The following AGMO variants were observed in gnomAD, a reference collection of about 807,000 sequenced individuals.
AGMO encodes the protein alkylglycerol monooxygenase, also known as glyceryl-ether monooxygenase.
AGMO carries 75 observed loss-of-function variants against 60.2 expected under a neutral mutation model. That is an observed-to-expected ratio of 1.25 (90% CI 1.03 to 1.51). The LOEUF is 1.51. Ranked by LOEUF, AGMO falls within the 40% of genes most tolerant of loss-of-function variation. AGMO has a pLI of 0.00. For missense variants in AGMO, 763 were observed against 525.5 expected (o/e 1.45, Z -4.42); for synonymous variants, 261 against 177.1 (o/e 1.47, Z -3.76).
Position 15,517,856 on chromosome 7 carries a change from G to A in AGMO, c.409+26916C>T, listed in dbSNP as rs1016287355. On this transcript the variant is annotated intron_variant, in intron 3 of 12. Transcript: ENST00000342526. ...TTCCCTGGAAAGGGAGCTGAAGCCA[G>A]GGAGCCAAGTGGTCTTGCTCAGAGG... Among the ~76,000 whole-genome samples the A allele has an allele frequency of 9.2e-5, 14 of 152,230 alleles. No individual in the cohort carries two copies. The East Asian group carries it at 2.5e-3, about 27-fold the overall frequency.
At chr7:15,240,380 C>A (rs1000891574) in intron 12 of AGMO, among the ~76,000 whole-genome samples, 1 of 152,094 alleles carries the variant, frequency 6.6e-6, no homozygotes, top group East Asian at 1.9e-4. Flanking sequence ...TTCTTAGTGA[C>A]CAGCCTTCAT....
At chr7:15,490,324 G>C (rs1783037836) in intron 3 of AGMO, among the ~76,000 whole-genome samples, 1 of 152,062 alleles carries the variant, frequency 6.6e-6, no homozygotes, top group African/African-American at 2.4e-5. Context: ...AAATGTTTTG[G>C]GATTTCCTCT....
intron 11 of AGMO, among the ~76,000 whole-genome samples, 158 bp from the exon 12 acceptor site, chr7:15,365,777 G>T (rs977174411): frequency 6.6e-6 from 1 of 151,982 alleles, no homozygotes; most frequent in African/African-American, 2.4e-5. Flanking sequence ...CAGTGATTAA[G>T]AAAGAACACT....
At chr7:15,397,164 G>A (rs1000107152) in intron 5 of AGMO, among the ~76,000 whole-genome samples, 4 of 152,122 alleles carry the variant, frequency 2.6e-5, no homozygotes, top group African/African-American at 9.7e-5. Flanking sequence ...AGACAACCAA[G>A]AGGAAAAGTG....
intron 12 of AGMO, among the ~76,000 whole-genome samples, chr7:15,275,585 G>A (rs1056483128): frequency 5.9e-5 from 9 of 152,034 alleles, no homozygotes; most frequent in African/African-American, 1.4e-4. Flanking sequence ...TCCCCTTTAA[G>A]GTTATAATTT....
the AGMO span, among the ~76,000 whole-genome samples, chr7:15,186,971 C>A: frequency 6.6e-6 from 1 of 152,146 alleles, no homozygotes; most frequent in Admixed American, 6.6e-5. Flanking sequence ...TCGGGCCTTT[C>A]AAAAGTGCTG....
intron 3 of AGMO, among the ~76,000 whole-genome samples, chr7:15,478,676 G>A (rs964669018): frequency 6.6e-6 from 1 of 152,148 alleles, no homozygotes; most frequent in Admixed American, 6.6e-5. Flanking sequence ...CGCTGGCCAT[G>A]TCAAGCGTTG....
chr7:15,251,002 G>T (rs1002934126), intron 12 of AGMO, among the ~76,000 whole-genome samples: 2 of 151,626 alleles, frequency 1.3e-5, no homozygotes, highest in Non-Finnish European at 2.9e-5. Flanking sequence ...AATTATTTCT[G>T]AACCAACAAA....
At chr7:15,305,302 T>A (rs1424039793) in intron 12 of AGMO, among the ~76,000 whole-genome samples, 1 of 151,806 alleles carries the variant, frequency 6.6e-6, no homozygotes, top group African/African-American at 2.4e-5. Flanking sequence ...AAAATAAGGT[T>A]TGAAGATTAT....
chr7:15,445,415 T>A (rs1486512094), intron 3 of AGMO, among the ~76,000 whole-genome samples: 2 of 152,160 alleles, frequency 1.3e-5, no homozygotes, highest in East Asian at 3.8e-4. Context: ...TATCACATGA[T>A]ATATTGCTGT....
At chr7:15,140,516 G>C in the AGMO span, among the ~76,000 whole-genome samples, 2 of 151,922 alleles carry the variant, frequency 1.3e-5, no homozygotes, top group Admixed American at 6.6e-5. Context: ...ACTCTAATTA[G>C]ACATATTTCA....
At chr7:15,413,466 G>T (rs545918347) in intron 5 of AGMO, among the ~76,000 whole-genome samples, 1 of 152,060 alleles carries the variant, frequency 6.6e-6, no homozygotes, top group African/African-American at 2.4e-5. Flanking sequence ...GATTTTCAAA[G>T]CACATACTTG....
At position 15,430,934 on chromosome 7, in the gene AGMO, G is replaced by A. The variant is rs1051321608; in HGVS notation, c.513+71C>T. The A allele has an allele frequency of 1.6e-5, 4 of 256,522 alleles. No individual in the cohort carries two copies. In the Admixed American group the frequency reaches 2.4e-4, roughly 15 times the overall value. The allele number at this position is 256,522 out of a possible 1,614,324, so 15.9% of individuals were successfully genotyped here. A position where few individuals can be genotyped will look rare whatever the true frequency, so the allele number is the denominator to read the frequency against. On this transcript the variant is annotated intron_variant, in intron 4 of 12. Coordinates refer to ENST00000342526, the MANE Select transcript of AGMO (RefSeq NM_001004320.2). Reference sequence around the variant, plus strand: ...CTTCTATTAGTTTTTTTTTTTTTTTGAGGAAATAGAAATAGCTGAGACTTA... The same window carrying A: ...CTTCTATTAGTTTTTTTTTTTTTTTAAGGAAATAGAAATAGCTGAGACTTA...
At chr7:15,487,360 G>A (rs1445784692) in intron 3 of AGMO, among the ~76,000 whole-genome samples, 1 of 152,020 alleles carries the variant, frequency 6.6e-6, no homozygotes, top group Non-Finnish European at 1.5e-5. Flanking sequence ...TGTGATTGGG[G>A]CATCTATAAC....
chr7:15,309,947 T>C (rs930597457), intron 12 of AGMO, among the ~76,000 whole-genome samples: 2 of 152,202 alleles, frequency 1.3e-5, no homozygotes, highest in Non-Finnish European at 2.9e-5. Flanking sequence ...AAATTAGCAC[T>C]ATATACATTT....
chr7:15,488,529 T>A (rs1228213865), intron 3 of AGMO, among the ~76,000 whole-genome samples: 4 of 152,136 alleles, frequency 2.6e-5, no homozygotes, highest in African/African-American at 9.7e-5. Context: ...ATGGAGCATA[T>A]AACATAAACC....
chr7:15,301,678 G>A (rs543393219), intron 12 of AGMO, among the ~76,000 whole-genome samples: 1 of 152,040 alleles, frequency 6.6e-6, no homozygotes, highest in Non-Finnish European at 1.5e-5. Flanking sequence ...GAGGATAATA[G>A]AAATGTTTTA....
intron 3 of AGMO, among the ~76,000 whole-genome samples, chr7:15,452,243 T>C (rs900069004): frequency 6.6e-6 from 1 of 152,066 alleles, no homozygotes; most frequent in African/African-American, 2.4e-5. Flanking sequence ...ATATACTTCA[T>C]CGAATTTTTA....
Position 15,322,676 on chromosome 7 carries a change from ATGTATATATAAATATATGAATATG to A in AGMO, c.1263+42814_1263+42837del, listed in dbSNP as rs1781195386. Among the ~76,000 whole-genome samples, 2 of 72,114 alleles carry A rather than the reference ATGTATATATAAATATATGAATATG, an allele frequency of 2.8e-5. 1 individual carries two copies. Among genetic ancestry groups the A allele is most frequent in the African/African-American group, 1.6e-4 (2 of 12,458 alleles). The allele number at this position is 72,114 out of a possible 152,430, so 47.3% of individuals were successfully genotyped here. ...TATATATATAAATATATATAAATAT[ATGTATATATAAATATATGAATATG>A]TATAAATATATATAAATATATAAAT... On this transcript the variant is annotated intron_variant, in intron 12 of 12. Coordinates refer to ENST00000342526, the MANE Select transcript of AGMO (RefSeq NM_001004320.2).
Sources: gnomAD v4.1 joint callset for allele counts (sites outside exome capture counted in the v4.1 genomes callset) on GRCh38, gnomAD v4.1.1 for gene constraint, MANE v1.5 for transcripts, NCBI Gene and HGNC (gene_info 2026-07-23, HGNC 2026-07-21) for gene names.